The following TLN2 variants were observed in gnomAD, a reference collection of about 807,000 sequenced individuals.
TLN2 encodes talin 2.
In TLN2, 118 loss-of-function variants were observed where a neutral mutation model predicts 294.7. The ratio of observed to expected loss-of-function variants is 0.40; its 90% CI spans 0.34 to 0.47. The LOEUF is 0.47. Among genes scored for constraint, TLN2 ranks in the 20% least tolerant of loss-of-function variants. The pLI is 0.84. For missense variants in TLN2, 3,083 were observed against 3,282.2 expected, an observed-to-expected ratio of 0.94 and a Z score of 1.48; for synonymous variants, 1,431 against 1,304.5, an observed-to-expected ratio of 1.10 and a Z score of -2.09.
At chr15:62,733,894 T>G (rs1395463078) in intron 28 of TLN2, 1 of 152,172 alleles carries the variant, frequency 6.6e-6, no homozygotes, top group Non-Finnish European at 1.5e-5. Context: ...TCGGTGGGTG[T>G]TGTTTGCTTG....
intron 2 of TLN2, among the ~76,000 whole-genome samples, chr15:62,608,280 A>C (rs1364289346): frequency 6.6e-6 from 1 of 152,112 alleles, no homozygotes; most frequent in Non-Finnish European, 1.5e-5. Context: ...TGATAAATGG[A>C]TTTTGGAATA....
rs1471644549 is a variant in TLN2 at position 62,763,592 on chromosome 15, A to G, written c.4991A>G (p.Asp1664Gly). The change falls in exon 40 of 59, where the codon GAT becomes GGT. Residue 1664 changes from aspartate (D) to glycine (G), a missense_variant. Physicochemically the swap from Asp to Gly is moderately conservative, Grantham distance 94 (BLOSUM62 -1). Transcript: ENST00000636159. ...AAGGCCCCTGGACAGAGGGAGTGTG[A>G]TTACTCCATCGATGGCATCAACCGG... ...RDKAPGQREC[D>G]YSIDGINRCI... The G allele has an allele frequency of 6.2e-7, 1 of 1,613,354 alleles. No individual in the cohort carries two copies. Among genetic ancestry groups the G allele is most frequent in the African/African-American group, 1.3e-5 (1 of 74,874 alleles).
intron 1 of TLN2, among the ~76,000 whole-genome samples, chr15:62,541,271 GA>G (rs546586086): frequency 4.9e-4 from 74 of 152,228 alleles, no homozygotes; most frequent in African/African-American, 1.6e-3. Flanking sequence ...ATTTTCATGA[GA>G]ATTAAATGAG....
At chr15:62,833,371 C>G in intron 54 of TLN2, 133 bp from the exon 55 acceptor site, 1 of 1,331,732 alleles carries the variant, frequency 7.5e-7, no homozygotes, top group African/African-American at 1.5e-5. Flanking sequence ...GGAACCATCC[C>G]ATTTCAGGTG....
At chr15:62,493,423 T>C (rs1044042284) in intron 1 of TLN2, among the ~76,000 whole-genome samples, 3 of 152,084 alleles carry the variant, frequency 2.0e-5, no homozygotes, top group Non-Finnish European at 4.4e-5. Flanking sequence ...CATGCCTGGC[T>C]CATAATCACT....
intron 3 of TLN2, among the ~76,000 whole-genome samples, chr15:62,625,109 G>C (rs562704152): frequency 6.6e-6 from 1 of 152,164 alleles, no homozygotes; most frequent in Non-Finnish European, 1.5e-5. Context: ...GTATTGGTGG[G>C]GGAAGTAGCG....
intron 32 of TLN2, among the ~76,000 whole-genome samples, chr15:62,744,494 C>G (rs983043306): frequency 1.3e-5 from 2 of 148,530 alleles, no homozygotes; most frequent in African/African-American, 5.0e-5. Flanking sequence ...TCTGGAGTAG[C>G]TGGGATTATA....
chr15:62,576,430 C>T (rs985380718), intron 1 of TLN2, among the ~76,000 whole-genome samples: 3 of 152,038 alleles, frequency 2.0e-5, no homozygotes, highest in Non-Finnish European at 4.4e-5. Context: ...GTTGCACCCT[C>T]CCCAAAGGCA....
intron 43 of TLN2, among the ~76,000 whole-genome samples, chr15:62,778,324 G>A (rs909467658): frequency 4.6e-5 from 7 of 152,124 alleles, no homozygotes; most frequent in African/African-American, 1.2e-4. Context: ...TCCCTCTTCT[G>A]CGGGCCCTTG....
intron 28 of TLN2, chr15:62,734,215 A>G (rs1162024300): frequency 6.6e-6 from 1 of 152,194 alleles, no homozygotes; most frequent in Non-Finnish European, 1.5e-5. Context: ...TGGGTTTTGC[A>G]TAAACATGTC....
chr15:62,505,481 T>G (rs1227277382), intron 1 of TLN2, among the ~76,000 whole-genome samples: 1 of 152,214 alleles, frequency 6.6e-6, no homozygotes, highest in Non-Finnish European at 1.5e-5. Context: ...TAGCCAGTGT[T>G]CTTCCAGAGT....
intron 1 of TLN2, among the ~76,000 whole-genome samples, chr15:62,411,829 G>C (rs1188134093): frequency 1.3e-5 from 2 of 152,134 alleles, no homozygotes; most frequent in Admixed American, 1.3e-4. Context: ...TAGGCTGTTA[G>C]ATTTTAAGTT....
At chr15:62,609,791 C>A (rs2047763084) in intron 2 of TLN2, among the ~76,000 whole-genome samples, 1 of 152,100 alleles carries the variant, frequency 6.6e-6, no homozygotes. Context: ...GTGGAGGGTC[C>A]TTTGAAACTA....
chr15:62,800,026 C>A (rs1028058135), intron 48 of TLN2, among the ~76,000 whole-genome samples: 4 of 152,186 alleles, frequency 2.6e-5, no homozygotes, highest in Non-Finnish European at 5.9e-5. Context: ...GTTCAGGGTG[C>A]CAGTTAGGAG....
intron 1 of TLN2, among the ~76,000 whole-genome samples, chr15:62,454,784 G>A (rs1251002712): frequency 6.6e-6 from 1 of 152,080 alleles, no homozygotes; most frequent in Admixed American, 6.6e-5. Flanking sequence ...TCTTTCATTC[G>A]GCCCTTTAGA....
chr15:62,395,496 G>C (rs1411885741), intron 1 of TLN2, among the ~76,000 whole-genome samples: 1 of 152,146 alleles, frequency 6.6e-6, no homozygotes, highest in Non-Finnish European at 1.5e-5. Context: ...ATTGATATAA[G>C]TGTGAATTGC....
chr15:62,786,018 G>A (rs1332619156), intron 45 of TLN2, among the ~76,000 whole-genome samples: 3 of 152,220 alleles, frequency 2.0e-5, no homozygotes, highest in Admixed American at 6.5e-5. Context: ...ATCTTGAGAT[G>A]TATTTTACAT....
At chr15:62,808,798 C>G (rs1444343983) in intron 51 of TLN2, among the ~76,000 whole-genome samples, 1 of 152,182 alleles carries the variant, frequency 6.6e-6, no homozygotes, top group African/African-American at 2.4e-5. Flanking sequence ...GTTCCTGCCT[C>G]CGAGCCCATT....
chr15:62,421,666 C>T (rs1265513121), intron 1 of TLN2, among the ~76,000 whole-genome samples: 2 of 151,230 alleles, frequency 1.3e-5, no homozygotes, highest in African/African-American at 4.9e-5. Flanking sequence ...CACTCTGGGG[C>T]CTATTGGAGG....
Sources: allele counts gnomAD v4.1 joint callset (sites outside exome capture counted in the v4.1 genomes callset), GRCh38; gene constraint gnomAD v4.1.1; transcripts MANE v1.5; gene names NCBI Gene and HGNC (gene_info 2026-07-23, HGNC 2026-07-21).